The following SCFD2 variants were observed in gnomAD, a reference collection of about 807,000 sequenced individuals.
SCFD2 encodes the protein sec1 family domain containing 2.
In SCFD2, 54 loss-of-function variants were observed where a neutral mutation model predicts 58.9. The ratio of observed to expected loss-of-function variants is 0.92; its 90% CI spans 0.74 to 1.15. The LOEUF (loss-of-function observed/expected upper bound fraction) is 1.15. SCFD2 is among the 50% of genes most tolerant of loss of function. The pLI, the probability that SCFD2 is intolerant of heterozygous loss-of-function variation, is 0.00. For synonymous variants in SCFD2, 321 were observed against 335.9 expected (o/e 0.96, Z 0.49); for missense variants, 805 against 836.6 (o/e 0.96, Z 0.47).
At chr4:53,050,193 C>A (rs1378932356) in intron 5 of SCFD2, among the ~76,000 whole-genome samples, 1 of 152,164 alleles carries the variant, frequency 6.6e-6, no homozygotes, top group Admixed American at 6.5e-5. Flanking sequence ...CTTAAAAACA[C>A]CTTTAAGTAC....
intron 5 of SCFD2, among the ~76,000 whole-genome samples, chr4:53,021,908 C>T (rs1722358941): frequency 6.6e-6 from 1 of 152,166 alleles, no homozygotes; most frequent in Admixed American, 6.6e-5. Context: ...TCTATGATGA[C>T]TGGTGCCAAG....
intron 1 of SCFD2, 43 bp from the exon 2 acceptor site, chr4:53,352,809 G>T: frequency 6.6e-7 from 1 of 1,525,340 alleles, no homozygotes; most frequent in Non-Finnish European, 9.0e-7. Context: ...AAAATGGGAG[G>T]AAAAAGCAAG....
At chr4:53,221,092 C>T (rs1309383911) in intron 4 of SCFD2, among the ~76,000 whole-genome samples, 10 of 152,122 alleles carry the variant, frequency 6.6e-5, no homozygotes, top group Admixed American at 6.5e-4. Context: ...TTTAAGTACC[C>T]ACAATTGGCC....
intron 5 of SCFD2, among the ~76,000 whole-genome samples, chr4:53,045,334 C>T (rs2148827360): frequency 6.6e-6 from 1 of 152,164 alleles, no homozygotes; most frequent in South Asian, 2.1e-4. Context: ...GCTTTTCTAA[C>T]CCCATAAGTA....
At chr4:53,193,816 T>C (rs1292287094) in intron 4 of SCFD2, among the ~76,000 whole-genome samples, 1 of 152,186 alleles carries the variant, frequency 6.6e-6, no homozygotes, top group Non-Finnish European at 1.5e-5. Flanking sequence ...AAGTAAAATA[T>C]AAGCATGGTT....
At chr4:53,041,373 C>A (rs1722896032) in intron 5 of SCFD2, among the ~76,000 whole-genome samples, 1 of 152,202 alleles carries the variant, frequency 6.6e-6, no homozygotes, top group African/African-American at 2.4e-5. Context: ...AATCACTGCA[C>A]ATAACTTGGT....
At chr4:53,267,510 T>C (rs910500246) in intron 4 of SCFD2, among the ~76,000 whole-genome samples, 7 of 152,232 alleles carry the variant, frequency 4.6e-5, no homozygotes, top group Admixed American at 1.3e-4. Context: ...GTCAGGGTGA[T>C]ATGCAATTAT....
intron 5 of SCFD2, among the ~76,000 whole-genome samples, chr4:52,983,712 T>C (rs1022242683): frequency 2.0e-5 from 3 of 152,166 alleles, no homozygotes; most frequent in African/African-American, 4.8e-5. Flanking sequence ...ACAATTCCCA[T>C]GTCTAAAACT....
chr4:52,911,551 C>T (rs1719487285), intron 6 of SCFD2, among the ~76,000 whole-genome samples: 1 of 151,938 alleles, frequency 6.6e-6, no homozygotes, highest in Non-Finnish European at 1.5e-5. Flanking sequence ...ATTTATATAG[C>T]AGGAGAAAAG....
chr4:53,118,843 T>TA (rs1219124536), intron 5 of SCFD2, among the ~76,000 whole-genome samples: 95 of 149,594 alleles, frequency 6.4e-4, no homozygotes, highest in African/African-American at 1.8e-3. Context: ...GGCATCTACG[T>TA]AAAAAAAAAA....
chr4:53,094,726 A>AT (rs951706141), intron 5 of SCFD2, among the ~76,000 whole-genome samples: 3 of 152,032 alleles, frequency 2.0e-5, no homozygotes, highest in Admixed American at 2.0e-4. Flanking sequence ...TAAAAAAAAA[A>AT]ATCTCTGACT....
intron 6 of SCFD2, among the ~76,000 whole-genome samples, chr4:52,910,143 T>C (rs1191721872): frequency 6.6e-6 from 1 of 152,268 alleles, no homozygotes; most frequent in African/African-American, 2.4e-5. Flanking sequence ...CCAGCCTTCC[T>C]TGCAGCTGAC....
At chr4:53,010,849 C>T (rs1172929209) in intron 5 of SCFD2, among the ~76,000 whole-genome samples, 2 of 152,154 alleles carry the variant, frequency 1.3e-5, no homozygotes, top group Non-Finnish European at 1.5e-5. Flanking sequence ...ATCCCAAATA[C>T]ATAGCAGCAG....
chr4:52,980,578 C>T (rs1380915517), intron 5 of SCFD2, among the ~76,000 whole-genome samples: 2 of 152,170 alleles, frequency 1.3e-5, no homozygotes, highest in Non-Finnish European at 2.9e-5. Flanking sequence ...GAATACGAGA[C>T]ATACAAAGTC....
Position 52,956,494 on chromosome 4 carries a change from C to T in SCFD2, c.1562-35624G>A, listed in dbSNP as rs1001349561. 4.0e-5 allele frequency: 13 copies of T among 321,480 alleles called. No individual in the cohort carries two copies. The Admixed American group carries it at 5.1e-4, about 13-fold the overall frequency. 19.9% of individuals were successfully genotyped at this position (321,480 alleles called of 1,614,324 possible). ...AGTGCAACGAGGACTTGGAACCCAC[C>T]AGGCCCTTTCTGTCTCTTGTCTCTT... On this transcript the variant is annotated intron_variant, in intron 5 of 8. Transcript: ENST00000401642.
At position 53,223,965 on chromosome 4, in the gene SCFD2, T is replaced by A. The variant is rs1169982213; in HGVS notation, c.1311+49861A>T. Reference sequence around the variant, plus strand: ...ACCTGAGAGAAGATAAAGATGGTCATAAATTCTTTGCTTCTCCTCCCCTTG... The same window carrying A: ...ACCTGAGAGAAGATAAAGATGGTCAAAAATTCTTTGCTTCTCCTCCCCTTG... On this transcript the variant is annotated intron_variant, in intron 4 of 8. Transcript: ENST00000401642. Among the ~76,000 whole-genome samples the A allele has an allele frequency of 2.6e-5, 4 of 152,140 alleles. No homozygotes were observed. The East Asian group carries it at 7.7e-4, about 29-fold the overall frequency.
rs73149158 is a variant in SCFD2 at position 53,012,448 on chromosome 4, G to A, written c.1562-91578C>T. Among the ~76,000 whole-genome samples, 1,025 of 151,974 alleles carry A rather than the reference G, an allele frequency of 6.7e-3. 11 individuals are homozygous for A. The highest frequency in any genetic ancestry group is 0.023 in the African/African-American group (957 of 41,428). ...GCTGCACTGTGATCCTGGTCAAATA[G>A]GTTGGTCCTCTGTGAAGTGCCCATA... On this transcript the variant is annotated intron_variant, in intron 5 of 8. Transcript: ENST00000401642.
intron 4 of SCFD2, among the ~76,000 whole-genome samples, chr4:53,184,010 C>G (rs770074227): frequency 1.3e-5 from 2 of 152,072 alleles, no homozygotes; most frequent in East Asian, 3.9e-4. Context: ...ACAACAAATG[C>G]CTTTCAGAGA....
chr4:53,056,998 C>A (rs1306710773), intron 5 of SCFD2, among the ~76,000 whole-genome samples: 1 of 152,108 alleles, frequency 6.6e-6, no homozygotes, highest in Non-Finnish European at 1.5e-5. Context: ...GCCTGGCCAA[C>A]ATGGTGAAAC....
Sources: gnomAD v4.1 joint callset for allele counts (sites outside exome capture counted in the v4.1 genomes callset) on GRCh38, gnomAD v4.1.1 for gene constraint, MANE v1.5 for transcripts, NCBI Gene and HGNC (gene_info 2026-07-23, HGNC 2026-07-21) for gene names.